NALCN: variants seen among roughly 807,000 people sequenced by gnomAD.
NALCN encodes the protein sodium leak channel, non-selective, also known as sodium leak channel NALCN.
In NALCN, 111 loss-of-function variants were observed where a neutral mutation model predicts 225.3. The observed-to-expected ratio is 0.49, with a 90% CI of 0.42 to 0.58. The LOEUF (loss-of-function observed/expected upper bound fraction) is 0.58. NALCN is among the 20% of genes least tolerant of loss of function. NALCN has a pLI of 0.00. For synonymous variants in NALCN, 764 were observed against 769.0 expected (o/e 0.99, Z 0.11); for missense variants, 1,378 against 2,202.4 (o/e 0.63, Z 7.49).
intron 12 of NALCN, among the ~76,000 whole-genome samples, chr13:101,234,835 A>ACTAT (rs56229940): frequency 0.29 from 41,815 of 144,858 alleles, 6,502 homozygotes; most frequent in East Asian, 0.43. Flanking sequence ...CTATCTATCT[A>ACTAT]CTATCTATCT....
chr13:101,229,414 G>A lies in NALCN; in HGVS notation c.1605C>T (p.Asp535=). The A allele has an allele frequency of 6.3e-7, 1 of 1,599,586 alleles. No individual in the cohort carries two copies. The highest frequency in any genetic ancestry group is 1.3e-5 in the African/African-American group (1 of 74,402). The change falls in exon 13 of 44, where the codon GAC becomes GAT. Residue 535 remains aspartate (D), a synonymous_variant. Transcript: ENST00000251127. ...TTACCCTCGGAAACGTAGTAAATCT[G>A]TCCAGTTCTTCGACAAAGCAGAACA... is the stretch of plus-strand genomic sequence containing the variant. ...LQMFCFVEEL[D]RFTTFPRAFM... is the part of the protein sequence containing the mutation.
Position 101,129,733 on chromosome 13 carries a change from T to C in NALCN, c.2119-5052A>G, listed in dbSNP as rs951270762. ...ACCCAGGATTTTTTTTTTTTTTTTTTAGTTATACTTTAAGTTCTGGGGTAC... is the reference window on the plus strand; with the variant it reads ...ACCCAGGATTTTTTTTTTTTTTTTTCAGTTATACTTTAAGTTCTGGGGTAC... On this transcript the variant is annotated intron_variant, in intron 17 of 43. Transcript: ENST00000251127. Among the ~76,000 whole-genome samples, 11 of 117,590 alleles carry C rather than the reference T, an allele frequency of 9.4e-5. No homozygotes were observed. In the South Asian group the frequency reaches 3.0e-3, roughly 32 times the overall value. 77.1% of individuals were successfully genotyped at this position (117,590 alleles called of 152,430 possible).
chr13:101,322,606 T>G (rs1251932886), intron 7 of NALCN, among the ~76,000 whole-genome samples: 4 of 152,238 alleles, frequency 2.6e-5, no homozygotes, highest in Non-Finnish European at 5.9e-5. Context: ...ATATGTTTAG[T>G]TTCATCTCTA....
intron 13 of NALCN, among the ~76,000 whole-genome samples, chr13:101,195,898 C>T (rs2039871795): frequency 6.6e-6 from 1 of 152,134 alleles, no homozygotes; most frequent in African/African-American, 2.4e-5. Flanking sequence ...ACATTTATAT[C>T]CTCAAGTTTG....
rs757358164 is a variant in NALCN, at chr13:101,192,019, T to C, written c.1662A>G (p.Glu554=). 1 of 1,597,480 alleles carries C rather than the reference T, an allele frequency of 6.3e-7. No individual in the cohort carries two copies. The highest frequency in any genetic ancestry group is 1.1e-5 in the South Asian group (1 of 88,128). The change falls in exon 14 of 44, where the codon GAA becomes GAG. Residue 554 remains glutamate, a synonymous_variant. Coordinates refer to ENST00000251127, the MANE Select transcript of NALCN (RefSeq NM_052867.4). ...TTTGGTCCATTACGTCCACCCATCC[T>C]TCCTGGGTGAGGATCTGGAACATGG... ...FMSMFQILTQ[E]GWVDVMDQTL... is the part of the protein sequence containing the mutation.
rs78220804 is a variant in NALCN at position 101,405,053 on chromosome 13, C to T, written c.-39-5888G>A. Among the ~76,000 whole-genome samples the T allele has an allele frequency of 8.5e-5, 13 of 152,284 alleles. No individual in the cohort carries two copies. In the East Asian group the frequency reaches 2.5e-3, roughly 29 times the overall value. ...ATTCTTATTTCAAATGTTTTTATTT[C>T]TTCCTCTTTTTAGTTCCAATAGCCA... On this transcript the variant is annotated intron_variant, in intron 1 of 43. Coordinates refer to ENST00000251127, the MANE Select transcript of NALCN (RefSeq NM_052867.4).
In NALCN at chr13:101,183,143, G is replaced by A. The variant is rs528779506; in HGVS notation, c.1765-6769C>T. Among the ~76,000 whole-genome samples, 85 of 152,282 alleles carry A rather than the reference G, an allele frequency of 5.6e-4. 1 individual carries two copies. In the South Asian group the frequency reaches 0.014, roughly 25 times the overall value. ...TTATTCTGTTTTTACAGAAAGCTGAGGTAATGCTCATTAGTAATCAGAACC... is the reference window on the plus strand; with the variant it reads ...TTATTCTGTTTTTACAGAAAGCTGAAGTAATGCTCATTAGTAATCAGAACC... On this transcript the variant is annotated intron_variant, in intron 14 of 43. Transcript: ENST00000251127.
At chr13:101,083,445 T>C (rs1275079150) in intron 31 of NALCN, among the ~76,000 whole-genome samples, 1 of 152,216 alleles carries the variant, frequency 6.6e-6, no homozygotes, top group East Asian at 1.9e-4. Flanking sequence ...ATTTCACTTA[T>C]ATTTTTAAAA....
intron 7 of NALCN, among the ~76,000 whole-genome samples, chr13:101,330,900 C>G (rs774020562): frequency 2.0e-5 from 3 of 152,176 alleles, no homozygotes; most frequent in Non-Finnish European, 2.9e-5. Context: ...TAAGACATAC[C>G]TTTACTTCTT....
At chr13:101,361,911 T>C (rs2046262029) in intron 6 of NALCN, among the ~76,000 whole-genome samples, 1 of 152,128 alleles carries the variant, frequency 6.6e-6, no homozygotes, top group Admixed American at 6.6e-5. Context: ...TACTGAAGAC[T>C]CTCACAAACA....
intron 39 of NALCN, among the ~76,000 whole-genome samples, chr13:101,067,266 G>A (rs1416857339): frequency 4.1e-5 from 4 of 97,772 alleles, no homozygotes; most frequent in African/African-American, 9.9e-5. Context: ...GGAAGAGGAG[G>A]TGGACGAGGA....
At chr13:101,090,245 T>C (rs905083791) in intron 28 of NALCN, among the ~76,000 whole-genome samples, 1 of 152,198 alleles carries the variant, frequency 6.6e-6, no homozygotes, top group Non-Finnish European at 1.5e-5. Context: ...TGGGGTGATC[T>C]CAATGTAAAA....
At chr13:101,381,045 A>G (rs1197260139) in intron 3 of NALCN, among the ~76,000 whole-genome samples, 1 of 152,116 alleles carries the variant, frequency 6.6e-6, no homozygotes, top group Admixed American at 6.6e-5. Context: ...AGAGAAACCA[A>G]TGTTAATTCC....
intron 2 of NALCN, 84 bp downstream of exon 2, chr13:101,398,935 C>T (rs993341516): frequency 2.3e-5 from 20 of 875,480 alleles, no homozygotes; most frequent in Admixed American, 1.1e-4. Flanking sequence ...TATTTCGAAG[C>T]CAAAGGTACA....
At chr13:101,404,984 G>A (rs2047575761) in intron 1 of NALCN, among the ~76,000 whole-genome samples, 1 of 152,182 alleles carries the variant, frequency 6.6e-6, no homozygotes, top group Admixed American at 6.5e-5. Context: ...GAAGACACAT[G>A]TATTTGATGT....
At chr13:101,360,494 A>C (rs2046221409) in intron 6 of NALCN, among the ~76,000 whole-genome samples, 4 of 152,004 alleles carry the variant, frequency 2.6e-5, no homozygotes, top group Admixed American at 2.0e-4. Context: ...TGACCTCTCA[A>C]AGTGCTGGGA....
At chr13:101,295,303 ATATCCCT>A (rs1187636568) in intron 7 of NALCN, among the ~76,000 whole-genome samples, 1 of 152,224 alleles carries the variant, frequency 6.6e-6, no homozygotes, top group Admixed American at 6.5e-5. Context: ...TTTATAATGT[ATATCCCT>A]TATTTTCCTC....
chr13:101,088,625 G>A (rs2034052501), intron 30 of NALCN, among the ~76,000 whole-genome samples: 1 of 152,132 alleles, frequency 6.6e-6, no homozygotes, highest in African/African-American at 2.4e-5. Flanking sequence ...AGTACACAGT[G>A]TGTGCTCAAA....
rs545422816 is a variant in NALCN, at chr13:101,225,783, T to C, written c.1626+3610A>G. The stretch of plus-strand genomic sequence containing the variant: ...AGGAATACCAAAACAACCAAATACA[T>C]TCTTGGTTTAGAAACAAAATCCTAA... On this transcript the variant is annotated intron_variant, in intron 13 of 43. Coordinates refer to ENST00000251127, the MANE Select transcript of NALCN (RefSeq NM_052867.4). 5.3e-5 allele frequency among the ~76,000 whole-genome samples: 8 copies of C among 152,270 alleles called. No individual in the cohort carries two copies. The South Asian group carries it at 1.2e-3, about 24-fold the overall frequency.
Sources: gnomAD v4.1 joint callset for allele counts (sites outside exome capture counted in the v4.1 genomes callset) on GRCh38, gnomAD v4.1.1 for gene constraint, MANE v1.5 for transcripts, NCBI Gene and HGNC (gene_info 2026-07-23, HGNC 2026-07-21) for gene names.